Variants in ADAM22 observed in about 807,000 individuals in gnomAD.
ADAM22 encodes the protein ADAM metallopeptidase domain 22.
In ADAM22, 65 loss-of-function variants were observed where a neutral mutation model predicts 144.6. That is an observed-to-expected ratio of 0.45 (90% CI 0.37 to 0.55). The LOEUF (loss-of-function observed/expected upper bound fraction) is 0.55, where lower values mean the gene tolerates loss of function less well. ADAM22 is among the 20% of genes least tolerant of loss of function. ADAM22 has a pLI of 0.00. For synonymous variants in ADAM22, 391 were observed against 412.6 expected, an observed-to-expected ratio of 0.95 and a Z score of 0.63; for missense variants, 974 against 1,184.9, an observed-to-expected ratio of 0.82 and a Z score of 2.61.
At chr7:88,036,580 G>A (rs186667303) in intron 3 of ADAM22, among the ~76,000 whole-genome samples, 24 of 152,046 alleles carry the variant, frequency 1.6e-4, no homozygotes, top group South Asian at 2.1e-4. Flanking sequence ...CACTTCACTG[G>A]AATACAGTAC....
At chr7:88,043,716 A>G (rs1803769299) in intron 3 of ADAM22, among the ~76,000 whole-genome samples, 1 of 152,118 alleles carries the variant, frequency 6.6e-6, no homozygotes, top group African/African-American at 2.4e-5. Context: ...TTAAAAAAAA[A>G]GAGAAGAAAA....
intron 14 of ADAM22, among the ~76,000 whole-genome samples, chr7:88,137,734 A>G (rs184666626): frequency 2.0e-5 from 3 of 152,356 alleles, no homozygotes; most frequent in East Asian, 3.9e-4. Flanking sequence ...ACCTCACATC[A>G]TAATCCTTTG....
chr7:88,143,232 C>G (rs992651616), intron 15 of ADAM22, 107 bp downstream of exon 15: 4 of 726,368 alleles, frequency 5.5e-6, no homozygotes, highest in Non-Finnish European at 6.7e-6. Flanking sequence ...TTCAACTTGC[C>G]CTGTATGTAC....
At chr7:88,170,642 GAT>G (rs1409421152) in intron 25 of ADAM22, among the ~76,000 whole-genome samples, 3 of 151,940 alleles carry the variant, frequency 2.0e-5, no homozygotes, top group Non-Finnish European at 4.4e-5. Context: ...TATCAAACGT[GAT>G]ATGTATAATG....
chr7:87,993,716 T>C (rs1372543116), intron 3 of ADAM22, among the ~76,000 whole-genome samples: 1 of 152,244 alleles, frequency 6.6e-6, no homozygotes, highest in Non-Finnish European at 1.5e-5. Flanking sequence ...ATAAATTGGC[T>C]GGTTCTATCC....
At chr7:88,161,070 C>G (rs112454891) in intron 22 of ADAM22, among the ~76,000 whole-genome samples, 17 of 151,928 alleles carry the variant, frequency 1.1e-4, no homozygotes, top group African/African-American at 3.9e-4. Flanking sequence ...ATGTAACAAA[C>G]CTGCACGTTG....
At chr7:88,081,999 T>C (rs911168225) in intron 4 of ADAM22, among the ~76,000 whole-genome samples, 2 of 152,124 alleles carry the variant, frequency 1.3e-5, no homozygotes, top group African/African-American at 4.8e-5. Context: ...TTAAAGTTCA[T>C]ATGGAACCAA....
rs1488653940 is a variant in ADAM22 at position 87,951,904 on chromosome 7, C to T, written c.246+16718C>T. 1.0e-4 allele frequency among the ~76,000 whole-genome samples: 15 copies of T among 145,884 alleles called. 1 individual carries two copies. In the South Asian group the frequency reaches 1.6e-3, roughly 15 times the overall value. The stretch of plus-strand genomic sequence containing the variant: ...AGGTATTTTATTCTCTTTGAAGCAA[C>T]TGTGAATGGTAGTTCACTCATGATT... On this transcript the variant is annotated intron_variant, in intron 2 of 31. Coordinates refer to ENST00000413139, the MANE Select transcript of ADAM22 (RefSeq NM_001324418.2).
chr7:87,964,440 G>C (rs1848616397), intron 2 of ADAM22, among the ~76,000 whole-genome samples: 1 of 152,156 alleles, frequency 6.6e-6, no homozygotes, highest in Non-Finnish European at 1.5e-5. Flanking sequence ...AGGATTAGGT[G>C]ACAAGATTGA....
chr7:88,147,404 A>G (rs915262630), intron 17 of ADAM22, among the ~76,000 whole-genome samples: 7 of 152,244 alleles, frequency 4.6e-5, no homozygotes, highest in Non-Finnish European at 7.3e-5. Context: ...TGCTTTTTCT[A>G]TAAAGAGCCA....
At chr7:88,106,992 C>T (rs1053363210) in intron 4 of ADAM22, among the ~76,000 whole-genome samples, 2 of 152,046 alleles carry the variant, frequency 1.3e-5, no homozygotes, top group Admixed American at 6.5e-5. Context: ...TTTAAAACCC[C>T]GCCCATAAAC....
At chr7:88,116,555 G>A (rs1232872391) in intron 6 of ADAM22, among the ~76,000 whole-genome samples, 190 bp from the exon 7 acceptor site, 1 of 152,116 alleles carries the variant, frequency 6.6e-6, no homozygotes, top group Non-Finnish European at 1.5e-5. Flanking sequence ...TCTTCTCATT[G>A]GATGTTGCTC....
intron 20 of ADAM22, 88 bp from the exon 21 acceptor site, chr7:88,153,133 C>T (rs1403356628): frequency 3.7e-6 from 3 of 803,954 alleles, no homozygotes; most frequent in African/African-American, 1.7e-5. Flanking sequence ...GATGAAGAGT[C>T]CTTATATTAC....
chr7:87,978,588 T>C (rs911565477), intron 3 of ADAM22, among the ~76,000 whole-genome samples, 176 bp downstream of exon 3: 1 of 152,244 alleles, frequency 6.6e-6, no homozygotes, highest in African/African-American at 2.4e-5. Context: ...ACAAGAAATA[T>C]ATATTCATTT....
intron 5 of ADAM22, 95 bp from the exon 6 acceptor site, chr7:88,114,489 G>A: frequency 1.7e-6 from 2 of 1,148,490 alleles, no homozygotes; most frequent in South Asian, 2.5e-5. Context: ...GCATTGAGAA[G>A]CAAATGGGCC....
intron 11 of ADAM22, 186 bp downstream of exon 11, chr7:88,131,621 A>G (rs1243035360): frequency 1.8e-6 from 1 of 568,440 alleles, no homozygotes; most frequent in African/African-American, 1.9e-5. Flanking sequence ...AAAAGTTTTA[A>G]TTTTGAGTTA....
chr7:88,081,739 T>C, intron 4 of ADAM22, among the ~76,000 whole-genome samples: 1 of 138,422 alleles, frequency 7.2e-6, no homozygotes. Context: ...CATTCACAAT[T>C]GCTTCAAAGA....
chr7:88,192,476 G>T (rs1849828895), intron 30 of ADAM22, among the ~76,000 whole-genome samples: 1 of 152,158 alleles, frequency 6.6e-6, no homozygotes, highest in Admixed American at 6.5e-5. Flanking sequence ...AATGCTGATT[G>T]TAGGGACTAA....
chr7:88,143,653 C>T (rs1000494223), intron 15 of ADAM22, among the ~76,000 whole-genome samples: 2 of 152,206 alleles, frequency 1.3e-5, no homozygotes, highest in Admixed American at 6.5e-5. Flanking sequence ...GCAGCACATC[C>T]TCTGGTTACT....
Sources: gnomAD v4.1 joint callset for allele counts (sites outside exome capture counted in the v4.1 genomes callset) on GRCh38, gnomAD v4.1.1 for gene constraint, MANE v1.5 for transcripts, NCBI Gene and HGNC (gene_info 2026-07-23, HGNC 2026-07-21) for gene names.